MRTFA: variants seen among roughly 807,000 people sequenced by gnomAD.
MRTFA encodes myocardin related transcription factor A.
Under a neutral mutation model 83.5 loss-of-function variants are expected in MRTFA, and 20 were observed. That is an observed-to-expected ratio of 0.24 (90% CI 0.17 to 0.35). The LOEUF (loss-of-function observed/expected upper bound fraction) is 0.35. MRTFA is among the 10% of genes least tolerant of loss of function. The probability of loss-of-function intolerance (pLI) is 1.00; values close to 1 mark genes in which losing one functional copy is unlikely to be tolerated. For missense variants in MRTFA, 1,200 were observed against 1,224.7 expected, an observed-to-expected ratio of 0.98 and a Z score of 0.30; for synonymous variants, 659 against 541.2, an observed-to-expected ratio of 1.22 and a Z score of -3.02.
At chr22:40,532,964 T>C (rs2055107784) in intron 3 of MRTFA, among the ~76,000 whole-genome samples, 1 of 152,260 alleles carries the variant, frequency 6.6e-6, no homozygotes, top group South Asian at 2.1e-4. Flanking sequence ...AAGAAACCAC[T>C]GAAAACTAAC....
At chr22:40,621,273 C>T (rs2056520003) in intron 1 of MRTFA, among the ~76,000 whole-genome samples, 1 of 151,888 alleles carries the variant, frequency 6.6e-6, no homozygotes. Context: ...ATACTCTTTA[C>T]TCTTTCAGCC....
At chr22:40,414,388 G>A in intron 14 of MRTFA, among the ~76,000 whole-genome samples, 1 of 152,066 alleles carries the variant, frequency 6.6e-6, no homozygotes, top group East Asian at 1.9e-4. Flanking sequence ...TCCAACCCTA[G>A]GTTTATGCCC....
At chr22:40,438,694 C>T (rs1330751128) in intron 4 of MRTFA, among the ~76,000 whole-genome samples, 1 of 152,062 alleles carries the variant, frequency 6.6e-6, no homozygotes, top group Non-Finnish European at 1.5e-5. Flanking sequence ...ACTTTTATTA[C>T]AGTGTATTGT....
At position 40,591,276 on chromosome 22, in the gene MRTFA, CAA is replaced by C. The variant is rs554015800; in HGVS notation, c.-22+3396_-22+3397del. 1.8e-4 allele frequency among the ~76,000 whole-genome samples: 15 copies of C among 83,330 alleles called. No homozygotes were observed. The East Asian group carries it at 2.0e-3, about 11-fold the overall frequency. 54.7% of individuals were successfully genotyped at this position (83,330 alleles called of 152,430 possible). ...TGGGCAAAAGAGCGAGACTCCGTCT[CAA>C]AAAAAAAAAAAAAGATAACAACTTT... On this transcript the variant is annotated intron_variant, in intron 2 of 14. Coordinates refer to ENST00000355630, the MANE Select transcript of MRTFA (RefSeq NM_020831.6).
intron 4 of MRTFA, among the ~76,000 whole-genome samples, chr22:40,442,671 A>G (rs148869460): frequency 1.3e-5 from 2 of 152,244 alleles, no homozygotes; most frequent in African/African-American, 2.4e-5. Flanking sequence ...AGAGACAAAT[A>G]TAAGATGGAA....
chr22:40,569,727 ACATACATACAT>A, intron 2 of MRTFA: 1 of 64,630 alleles, frequency 1.5e-5, no homozygotes, highest in Admixed American at 2.0e-4. Flanking sequence ...ATACATACAT[ACATACATACAT>A]ACATACATAC....
intron 3 of MRTFA, among the ~76,000 whole-genome samples, chr22:40,501,132 G>A (rs1411317794): frequency 7.7e-4 from 2 of 2,584 alleles, no homozygotes; most frequent in Non-Finnish European, 1.4e-3. Context: ...CGGACGGGGA[G>A]GCCGGCCGGG....
chr22:40,526,583 C>G (rs1431574727), intron 3 of MRTFA: 1 of 152,148 alleles, frequency 6.6e-6, no homozygotes, highest in African/African-American at 2.4e-5. Flanking sequence ...AGGACTGTGG[C>G]TTTTTCAGTG....
At position 40,461,798 on chromosome 22, in the gene MRTFA, T is replaced by TA. The variant is rs199890242; in HGVS notation, c.307+1422dup. Reference sequence around the variant, plus strand: ...TGGGCAACAGAGCAAGACTCCGTCTTAAAAAAAAAAATTAAAATTAAAAGC... The same window carrying TA: ...TGGGCAACAGAGCAAGACTCCGTCTTAAAAAAAAAAAATTAAAATTAAAAGC... On this transcript the variant is annotated intron_variant, in intron 4 of 14. Coordinates refer to ENST00000355630, the MANE Select transcript of MRTFA (RefSeq NM_020831.6). Among the ~76,000 whole-genome samples the TA allele has an allele frequency of 7.7e-3, 1,140 of 148,290 alleles. 12 individuals are homozygous for TA. The highest frequency in any genetic ancestry group is 0.026 in the African/African-American group (1,054 of 40,598).
chr22:40,435,929 C>T (rs1359448882), intron 4 of MRTFA, among the ~76,000 whole-genome samples: 3 of 146,194 alleles, frequency 2.1e-5, no homozygotes, highest in Non-Finnish European at 4.5e-5. Flanking sequence ...AGCGAGAAAC[C>T]GTCCCCCAAA....
In MRTFA at chr22:40,508,826, A is replaced by G. The variant is rs529110950; in HGVS notation, c.241+43280T>C. ...TGAGCTCAGGACCAGCCTGGGCAAC[A>G]TAGCGAGACTCTGCCTCTACCAAAA... On this transcript the variant is annotated intron_variant, in intron 3 of 14. Coordinates refer to ENST00000355630, the MANE Select transcript of MRTFA (RefSeq NM_020831.6). Among the ~76,000 whole-genome samples the G allele has an allele frequency of 1.6e-3, 237 of 151,102 alleles. 1 individual carries two copies. Among genetic ancestry groups the G allele is most frequent in the African/African-American group, 5.5e-3 (225 of 41,140 alleles).
chr22:40,632,548 G>A (rs192926897), intron 1 of MRTFA, among the ~76,000 whole-genome samples: 145 of 152,200 alleles, frequency 9.5e-4, no homozygotes, highest in African/African-American at 3.4e-3. Context: ...TGATTCTCAT[G>A]CCTTAGCCTC....
chr22:40,558,966 G>A (rs1243866224), intron 2 of MRTFA, among the ~76,000 whole-genome samples: 2 of 151,932 alleles, frequency 1.3e-5, no homozygotes, highest in Non-Finnish European at 2.9e-5. Flanking sequence ...GTTTTTAGTA[G>A]AGATGGGTTT....
At chr22:40,429,926 C>T (rs990113667) in intron 6 of MRTFA, among the ~76,000 whole-genome samples, 159 bp from the exon 7 acceptor site, 1 of 152,030 alleles carries the variant, frequency 6.6e-6, no homozygotes, top group African/African-American at 2.4e-5. Context: ...CTTGAAGTTT[C>T]ACAAAGACAA....
chr22:40,602,111 G>C (rs901878340), intron 1 of MRTFA, among the ~76,000 whole-genome samples: 9 of 152,296 alleles, frequency 5.9e-5, no homozygotes, highest in South Asian at 4.1e-4. Flanking sequence ...CTACGAAGAA[G>C]AACAACACAG....
intron 3 of MRTFA, among the ~76,000 whole-genome samples, chr22:40,543,456 T>C (rs1272243054): frequency 6.6e-6 from 1 of 152,166 alleles, no homozygotes; most frequent in Admixed American, 6.6e-5. Flanking sequence ...GGAAAGGCCC[T>C]TTTCACTCCC....
chr22:40,510,917 G>T (rs1247719502), intron 3 of MRTFA, among the ~76,000 whole-genome samples: 1 of 152,046 alleles, frequency 6.6e-6, no homozygotes, highest in Non-Finnish European at 1.5e-5. Flanking sequence ...AAGTGTTCTG[G>T]GAACCAAAAG....
chr22:40,609,482 C>CAAAA (rs148106089), intron 1 of MRTFA, among the ~76,000 whole-genome samples: 136 of 69,618 alleles, frequency 2.0e-3, no homozygotes, highest in East Asian at 4.7e-3. Context: ...GTCTCTTTAA[C>CAAAA]AAAAAAAAAA....
Position 40,418,608 on chromosome 22 carries a change from G to A in MRTFA, c.2130C>T (p.Asp710=). The A allele has an allele frequency of 6.5e-7, 1 of 1,538,078 alleles. No individual in the cohort carries two copies. Among genetic ancestry groups the A allele is most frequent in the Non-Finnish European group, 8.7e-7 (1 of 1,148,360 alleles). ...GGGGCCCCGGGGCCACAGCACAAGGGTCTATGTGGTTGGTGGCTGGGGCCG... is the reference window on the plus strand; with the variant it reads ...GGGGCCCCGGGGCCACAGCACAAGGATCTATGTGGTTGGTGGCTGGGGCCG... Residue 710 remains aspartate (D), a synonymous_variant, in exon 12 of 15, where the codon GAC becomes GAT. Coordinates refer to ENST00000355630, the MANE Select transcript of MRTFA (RefSeq NM_020831.6).
Sources: allele counts gnomAD v4.1 joint callset (sites outside exome capture counted in the v4.1 genomes callset), GRCh38; gene constraint gnomAD v4.1.1; transcripts MANE v1.5; gene names NCBI Gene and HGNC (gene_info 2026-07-23, HGNC 2026-07-21).